KIRREL3: variants seen among roughly 807,000 people sequenced by gnomAD.
KIRREL3 encodes kirre like nephrin family adhesion molecule 3.
Under a neutral mutation model 89.7 loss-of-function variants are expected in KIRREL3, and 36 were observed. The ratio of observed to expected loss-of-function variants is 0.40; its 90% CI spans 0.31 to 0.53. The LOEUF (loss-of-function observed/expected upper bound fraction) is 0.53, where lower values mean the gene tolerates loss of function less well. Ranked by LOEUF, KIRREL3 falls within the 20% of genes least tolerant of loss-of-function variation. The pLI, the probability that KIRREL3 is intolerant of heterozygous loss-of-function variation, is 0.49. For missense variants in KIRREL3, 864 were observed against 1,056.6 expected (o/e 0.82, Z 2.53); for synonymous variants, 445 against 441.4 (o/e 1.01, Z -0.10).
At chr11:126,964,349 TG>T (rs1381548348) in intron 1 of KIRREL3, among the ~76,000 whole-genome samples, 1 of 152,100 alleles carries the variant, frequency 6.6e-6, no homozygotes, top group Non-Finnish European at 1.5e-5. Flanking sequence ...ACAGGCTGGG[TG>T]GCATGTGGGC....
In KIRREL3 at chr11:126,981,825, A is replaced by T. The variant is rs560772102; in HGVS notation, c.55+18630T>A. The stretch of plus-strand genomic sequence containing the variant: ...TGAGGTTTCTGTTGACAGTGCCTGG[A>T]GGAGCCATCTGAGCTTCTGTAGCAC... On this transcript the variant is annotated intron_variant, in intron 1 of 16. Coordinates refer to ENST00000525144, the MANE Select transcript of KIRREL3 (RefSeq NM_032531.4). The surrounding 1 kb of genome is among the most constrained non-coding windows in gnomAD (Gnocchi z 4.2). Among the ~76,000 whole-genome samples, 5 of 152,306 alleles carry T rather than the reference A, an allele frequency of 3.3e-5. No individual in the cohort carries two copies. The highest frequency in any genetic ancestry group is 7.4e-5 in the Non-Finnish European group (5 of 68,024).
rs5795516 is a variant in KIRREL3, at chr11:126,723,203, GC to G, written c.56-160292del. Among the ~76,000 whole-genome samples the G allele has an allele frequency of 0.41, 61,800 of 151,936 alleles. 13,773 individuals carry two copies. The highest frequency in any genetic ancestry group is 0.8 in the East Asian group (4,146 of 5,162). ...AGCCCTGACACATTGCAGGTACTTA[GC>G]ATACAGAGCTGGATTTCCCCCACTG... On this transcript the variant is annotated intron_variant, in intron 1 of 16. Coordinates refer to ENST00000525144, the MANE Select transcript of KIRREL3 (RefSeq NM_032531.4). The surrounding 1 kb of genome is among the most constrained non-coding windows in gnomAD (Gnocchi z 4.0).
intron 1 of KIRREL3, among the ~76,000 whole-genome samples, chr11:126,911,225 A>G (rs1793657): frequency 0.71 from 108,732 of 152,112 alleles, 39,644 homozygotes; most frequent in Middle Eastern, 0.88. Flanking sequence ...CAGAAAGGAG[A>G]CCAGCAAATA....
In KIRREL3 at chr11:126,424,831, C is replaced by A. The variant is rs749055920; in HGVS notation, c.2086G>T (p.Val696Leu). 1 of 1,614,054 alleles carries A rather than the reference C, an allele frequency of 6.2e-7. No homozygotes were observed. The highest frequency in any genetic ancestry group is 2.2e-5 in the East Asian group (1 of 44,884). ...ATGGACGAGCTGCCCATGCCCAGCA[C>A]AAACCGCTGCCCGTAGTCGTAGAGG... is the stretch of plus-strand genomic sequence containing the variant. ...GRLYDYGQRF[V>L]LGMGSSSIEL... The change falls in exon 17 of 17, where the codon GTG (valine) becomes TTG (leucine). Residue 696 changes from valine (V) to leucine (L), a missense_variant. By Grantham distance (32) the Val-to-Leu change is conservative (BLOSUM62 1). Coordinates refer to ENST00000525144, the MANE Select transcript of KIRREL3 (RefSeq NM_032531.4).
rs529707711 is a variant in KIRREL3 at position 126,789,823 on chromosome 11, C to T, written c.55+210632G>A. On this transcript the variant is annotated intron_variant, in intron 1 of 16. Transcript: ENST00000525144. Reference sequence around the variant, plus strand: ...TTAGCTTCTTCCTCTTTTCCACTCCCTAAATATGGAATCCCGTCCTTGAAC... The same window carrying T: ...TTAGCTTCTTCCTCTTTTCCACTCCTTAAATATGGAATCCCGTCCTTGAAC... 2.6e-3 allele frequency among the ~76,000 whole-genome samples: 396 copies of T among 152,308 alleles called. 5 individuals carry two copies. The highest frequency in any genetic ancestry group is 6.5e-4 in the Non-Finnish European group (44 of 68,032).
chr11:126,885,881 G>C (rs796661587), intron 1 of KIRREL3, among the ~76,000 whole-genome samples: 5 of 152,342 alleles, frequency 3.3e-5, no homozygotes, highest in African/African-American at 9.6e-5. Flanking sequence ...GAGGCTCACA[G>C]ATAAGCATGA....
chr11:126,753,381 A>C (rs567111708), intron 1 of KIRREL3, among the ~76,000 whole-genome samples: 1 of 152,352 alleles, frequency 6.6e-6, no homozygotes, highest in Admixed American at 6.5e-5. Flanking sequence ...ACTTTGTTCC[A>C]TCCTGCACTA....
In KIRREL3 at chr11:126,441,452, A is replaced by G. The variant is rs1203251333; in HGVS notation, c.1253-903T>C. On this transcript the variant is annotated intron_variant, in intron 10 of 16. Coordinates refer to ENST00000525144, the MANE Select transcript of KIRREL3 (RefSeq NM_032531.4). The surrounding 1 kb of genome is among the most constrained non-coding windows in gnomAD (Gnocchi z 5.0). The stretch of plus-strand genomic sequence containing the variant: ...CTGCCTGGCCGTGAAAGACAAAAGA[A>G]GGAGCAGCTAGCTTAGCCTGGGCTC... Among the ~76,000 whole-genome samples, 1 of 152,196 alleles carries G rather than the reference A, an allele frequency of 6.6e-6. No individual in the cohort carries two copies.
chr11:126,698,886 C>T (rs1354038781), intron 1 of KIRREL3, among the ~76,000 whole-genome samples: 4 of 152,246 alleles, frequency 2.6e-5, no homozygotes, highest in Non-Finnish European at 5.9e-5. Flanking sequence ...CACTGCCCTT[C>T]GTGCAGGAGG....
rs1274645642 is a variant in KIRREL3, at chr11:126,905,859, T to G, written c.55+94596A>C. Among the ~76,000 whole-genome samples, 1 of 152,174 alleles carries G rather than the reference T, an allele frequency of 6.6e-6. No individual in the cohort carries two copies. Among genetic ancestry groups the G allele is most frequent in the Non-Finnish European group, 1.5e-5 (1 of 68,046 alleles). Reference sequence around the variant, plus strand: ...TCCCCAAAGCACTTCAGGGGTTCCTTTGTCCGCACCCAGCCATGCAAAATT... The same window carrying G: ...TCCCCAAAGCACTTCAGGGGTTCCTGTGTCCGCACCCAGCCATGCAAAATT... On this transcript the variant is annotated intron_variant, in intron 1 of 16. Coordinates refer to ENST00000525144, the MANE Select transcript of KIRREL3 (RefSeq NM_032531.4). The surrounding 1 kb of genome is among the most constrained non-coding windows in gnomAD (Gnocchi z 5.0).
rs1202588961 is a variant in KIRREL3 at position 126,652,982 on chromosome 11, T to C, written c.56-90070A>G. On this transcript the variant is annotated intron_variant, in intron 1 of 16. Coordinates refer to ENST00000525144, the MANE Select transcript of KIRREL3 (RefSeq NM_032531.4). This position sits in a 1 kb window ranked among gnomAD's most constrained non-coding sequence, Gnocchi z 4.9. ...ATTAAAAAAGTCATTCATTCATGCA[T>C]TCAGCAGCCAGTATTTGTTAAATGT... is the stretch of plus-strand genomic sequence containing the variant. 2.6e-5 allele frequency: 4 copies of C among 152,192 alleles called. No homozygotes were observed. Among genetic ancestry groups the C allele is most frequent in the Admixed American group, 2.6e-4 (4 of 15,280 alleles). The allele number at this position is 152,192 out of a possible 1,614,324, so 9.4% of individuals were successfully genotyped here.
In KIRREL3 at chr11:126,694,890, T is replaced by TA. The variant is rs929360960; in HGVS notation, c.56-131979dup. 6.6e-6 allele frequency among the ~76,000 whole-genome samples: 1 copy of TA among 152,214 alleles called. No homozygotes were observed. Among genetic ancestry groups the TA allele is most frequent in the Non-Finnish European group, 1.5e-5 (1 of 68,030 alleles). ...CCAACCTATCTTCATTTTCTTAACCTATGCCTTTTGACTCAAAAAGAATGA... is the reference window on the plus strand; with the variant it reads ...CCAACCTATCTTCATTTTCTTAACCTAATGCCTTTTGACTCAAAAAGAATGA... On this transcript the variant is annotated intron_variant, in intron 1 of 16. Coordinates refer to ENST00000525144, the MANE Select transcript of KIRREL3 (RefSeq NM_032531.4). The surrounding 1 kb of genome is among the most constrained non-coding windows in gnomAD (Gnocchi z 4.4).
At chr11:126,713,467 G>T (rs1307253855) in intron 1 of KIRREL3, among the ~76,000 whole-genome samples, 1 of 152,190 alleles carries the variant, frequency 6.6e-6, no homozygotes. Context: ...GCCCCAGGAT[G>T]CCTCAAGGTA....
chr11:126,771,315 G>A lies in KIRREL3; in HGVS notation c.56-208403C>T, dbSNP rs1200568362. Among the ~76,000 whole-genome samples, 1 of 151,882 alleles carries A rather than the reference G, an allele frequency of 6.6e-6. No homozygotes were observed. Among genetic ancestry groups the A allele is most frequent in the Admixed American group, 6.6e-5 (1 of 15,256 alleles). On this transcript the variant is annotated intron_variant, in intron 1 of 16. Coordinates refer to ENST00000525144, the MANE Select transcript of KIRREL3 (RefSeq NM_032531.4). This position sits in a 1 kb window ranked among gnomAD's most constrained non-coding sequence, Gnocchi z 4.4. Reference sequence around the variant, plus strand: ...TAGAGTGGTTAAATGACCTGCTTGAGTCCAGTTAACAGACATGAGGTTTGA... The same window carrying A: ...TAGAGTGGTTAAATGACCTGCTTGAATCCAGTTAACAGACATGAGGTTTGA...
rs1949092268 is a variant in KIRREL3 at position 126,744,859 on chromosome 11, T to A, written c.56-181947A>T. On this transcript the variant is annotated intron_variant, in intron 1 of 16. Transcript: ENST00000525144. This position sits in a 1 kb window ranked among gnomAD's most constrained non-coding sequence, Gnocchi z 4.7. ...TGTCCCTGACACAATAAATTGTGTC[T>A]GCCACATAGTAAGTGCTAAAAAAAA... is the stretch of plus-strand genomic sequence containing the variant. Among the ~76,000 whole-genome samples, 1 of 142,034 alleles carries A rather than the reference T, an allele frequency of 7.0e-6. No individual in the cohort carries two copies. The highest frequency in any genetic ancestry group is 1.5e-5 in the Non-Finnish European group (1 of 65,976). The allele number at this position is 142,034 out of a possible 152,430, so 93.2% of individuals were successfully genotyped here. A position where few individuals can be genotyped will look rare whatever the true frequency, so the allele number is the denominator to read the frequency against.
rs1950395422 is a variant in KIRREL3, at chr11:126,783,654, G to C, written c.55+216801C>G. ...TACTGATGTAAATAGATGACTGAAG[G>C]AATAAATACAGAAATAAATAAATGG... On this transcript the variant is annotated intron_variant, in intron 1 of 16. Transcript: ENST00000525144. The surrounding 1 kb of genome is among the most constrained non-coding windows in gnomAD (Gnocchi z 4.3). 1.3e-5 allele frequency among the ~76,000 whole-genome samples: 2 copies of C among 152,310 alleles called. No homozygotes were observed. The highest frequency in any genetic ancestry group is 2.1e-4 in the South Asian group (1 of 4,826).
At chr11:126,478,833 G>A (rs1957150240) in intron 4 of KIRREL3, among the ~76,000 whole-genome samples, 1 of 152,128 alleles carries the variant, frequency 6.6e-6, no homozygotes, top group South Asian at 2.1e-4. Flanking sequence ...AACGGGCTGC[G>A]TGAGTAGTGG....
chr11:126,949,324 A>G (rs1346130143), intron 1 of KIRREL3, among the ~76,000 whole-genome samples: 1 of 151,968 alleles, frequency 6.6e-6, no homozygotes, highest in African/African-American at 2.4e-5. Context: ...TGTCAGGGGG[A>G]GGTAGAAAGA....
intron 15 of KIRREL3, among the ~76,000 whole-genome samples, chr11:126,426,694 C>T (rs4935969): frequency 0.38 from 57,189 of 152,004 alleles, 12,183 homozygotes; most frequent in East Asian, 0.87. Flanking sequence ...GCTAGTTGCA[C>T]GGTATAGGTA....
Sources: gnomAD v4.1 joint callset for allele counts (sites outside exome capture counted in the v4.1 genomes callset) on GRCh38, gnomAD v4.1.1 for gene constraint, Gnocchi (gnomAD v3.1) non-coding constraint, MANE v1.5 for transcripts, NCBI Gene and HGNC (gene_info 2026-07-23, HGNC 2026-07-21) for gene names.